CATSPER3: variants seen among roughly 807,000 people sequenced by gnomAD.
CATSPER3 encodes cation channel sperm associated 3, also known as cation channel sperm-associated protein 3.
CATSPER3 carries 23 observed loss-of-function variants against 36.6 expected under a neutral mutation model. The ratio of observed to expected loss-of-function variants is 0.63; its 90% CI spans 0.45 to 0.89. CATSPER3 has a LOEUF of 0.89. Ranked by LOEUF, CATSPER3 falls within the 40% of genes least tolerant of loss-of-function variation. The pLI is 0.00. For missense variants in CATSPER3, 474 were observed against 503.9 expected (o/e 0.94, Z 0.57); for synonymous variants, 172 against 184.1 (o/e 0.93, Z 0.53).
intron 4 of CATSPER3, 55 bp downstream of exon 4, chr5:135,008,194 G>T (rs961001711): frequency 2.7e-6 from 4 of 1,461,686 alleles, no homozygotes; most frequent in Non-Finnish European, 3.8e-6. Flanking sequence ...GGACAGCCTA[G>T]GTGGTGCAAG....
intron 6 of CATSPER3, 111 bp from the exon 7 acceptor site, chr5:135,010,262 G>T: frequency 1.1e-6 from 1 of 945,468 alleles, no homozygotes. Context: ...CTTCCTTCCA[G>T]GACCAGGGTC....
intron 2 of CATSPER3, among the ~76,000 whole-genome samples, chr5:134,981,383 G>T (rs1251059254): frequency 6.6e-6 from 1 of 152,150 alleles, no homozygotes. Flanking sequence ...CTACTTGGGA[G>T]GCTGAGGTAG....
intron 2 of CATSPER3, among the ~76,000 whole-genome samples, chr5:134,978,158 A>AT (rs980075468): frequency 2.6e-5 from 4 of 152,288 alleles, no homozygotes; most frequent in Middle Eastern, 3.4e-3. Flanking sequence ...TGGGAAGAGC[A>AT]GGGGGGAAGG....
rs1319222333 is a variant in CATSPER3, at chr5:135,002,219, T to C, written c.492+5707T>C. Among the ~76,000 whole-genome samples, 5 of 152,356 alleles carry C rather than the reference T, an allele frequency of 3.3e-5. No individual in the cohort carries two copies. In the East Asian group the frequency reaches 5.8e-4, roughly 18 times the overall value. ...AAGTATTTTATTTCTCCTTCACTTA[T>C]GAAGCTTAGTTTGGCTGGATATGAA... On this transcript the variant is annotated intron_variant, in intron 3 of 7. Coordinates refer to ENST00000282611, the MANE Select transcript of CATSPER3 (RefSeq NM_178019.3).
intron 2 of CATSPER3, among the ~76,000 whole-genome samples, chr5:134,988,658 A>G (rs1339682487): frequency 6.6e-6 from 1 of 152,160 alleles, no homozygotes; most frequent in Non-Finnish European, 1.5e-5. Flanking sequence ...CACATCTTCA[A>G]GCTCCATTTC....
chr5:135,009,882 T>C (rs1257520171), intron 6 of CATSPER3, among the ~76,000 whole-genome samples: 1 of 152,228 alleles, frequency 6.6e-6, no homozygotes, highest in Admixed American at 6.5e-5. Context: ...CAGACAACCT[T>C]GGTTCTCTCA....
chr5:135,002,721 A>G (rs551611424), intron 3 of CATSPER3, among the ~76,000 whole-genome samples: 2 of 152,208 alleles, frequency 1.3e-5, no homozygotes, highest in South Asian at 2.1e-4. Context: ...AATCACTGAT[A>G]CCCTTTCTTC....
chr5:134,977,855 C>G (rs564691095), intron 2 of CATSPER3, among the ~76,000 whole-genome samples: 1 of 152,218 alleles, frequency 6.6e-6, no homozygotes, highest in Non-Finnish European at 1.5e-5. Flanking sequence ...TCCCAGGAAG[C>G]TTACATGGTA....
intron 3 of CATSPER3, among the ~76,000 whole-genome samples, chr5:135,005,621 G>C (rs1561464405): frequency 6.6e-6 from 1 of 152,234 alleles, no homozygotes; most frequent in South Asian, 2.1e-4. Flanking sequence ...CTTAAATAAA[G>C]AGCTACAATC....
chr5:135,011,292 G>A (rs1752177068), intron 7 of CATSPER3, among the ~76,000 whole-genome samples: 1 of 152,158 alleles, frequency 6.6e-6, no homozygotes, highest in Non-Finnish European at 1.5e-5. Flanking sequence ...CTTCTCTCAG[G>A]ACCTAAGAAT....
intron 2 of CATSPER3, among the ~76,000 whole-genome samples, chr5:134,981,685 C>T (rs527810433): frequency 1.3e-5 from 2 of 152,274 alleles, no homozygotes; most frequent in South Asian, 4.1e-4. Flanking sequence ...GATTTCCAAA[C>T]TTACCACGTT....
intron 2 of CATSPER3, among the ~76,000 whole-genome samples, chr5:134,987,047 A>G (rs1183082244): frequency 2.6e-5 from 4 of 152,182 alleles, no homozygotes; most frequent in Non-Finnish European, 4.4e-5. Flanking sequence ...AGGGTAGAGG[A>G]ACAATAGAGA....
chr5:135,006,603 A>G (rs1467619204), intron 3 of CATSPER3, among the ~76,000 whole-genome samples: 1 of 152,066 alleles, frequency 6.6e-6, no homozygotes, highest in East Asian at 1.9e-4. Context: ...TTGGGAGGCC[A>G]AGGTGGGTGG....
At chr5:134,980,043 A>G (rs1751731422) in intron 2 of CATSPER3, among the ~76,000 whole-genome samples, 1 of 150,678 alleles carries the variant, frequency 6.6e-6, no homozygotes, top group East Asian at 2.0e-4. Context: ...GTGAAGTGAC[A>G]TGATCATAGC....
At chr5:134,984,501 C>G (rs1470976835) in intron 2 of CATSPER3, among the ~76,000 whole-genome samples, 1 of 152,066 alleles carries the variant, frequency 6.6e-6, no homozygotes, top group Non-Finnish European at 1.5e-5. Flanking sequence ...AAATGGCCAA[C>G]AAACATTTGA....
intron 2 of CATSPER3, among the ~76,000 whole-genome samples, chr5:134,985,254 G>C (rs1223628589): frequency 1.3e-5 from 2 of 152,148 alleles, no homozygotes; most frequent in African/African-American, 2.4e-5. Flanking sequence ...CATTAAAAAA[G>C]AACAAAAGAA....
At chr5:134,983,599 C>T (rs1022447530) in intron 2 of CATSPER3, among the ~76,000 whole-genome samples, 1 of 151,942 alleles carries the variant, frequency 6.6e-6, no homozygotes, top group Non-Finnish European at 1.5e-5. Flanking sequence ...AAAAGATATT[C>T]CAAACAAATA....
intron 2 of CATSPER3, among the ~76,000 whole-genome samples, chr5:134,995,245 C>T (rs1289702752): frequency 6.6e-6 from 1 of 152,026 alleles, no homozygotes; most frequent in African/African-American, 2.4e-5. Context: ...TATTTCTTCT[C>T]GGTGTGTATT....
intron 1 of CATSPER3, 23 bp downstream of exon 1, chr5:134,968,112 G>A (rs1312916677): frequency 6.0e-6 from 9 of 1,510,270 alleles, no homozygotes; most frequent in Admixed American, 1.7e-5. Flanking sequence ...TATCTCCATT[G>A]CCTGTTAAGA....
Sources: allele counts gnomAD v4.1 joint callset (sites outside exome capture counted in the v4.1 genomes callset), GRCh38; gene constraint gnomAD v4.1.1; transcripts MANE v1.5; gene names NCBI Gene and HGNC (gene_info 2026-07-23, HGNC 2026-07-21).